Variants in LRRC49 observed in about 807,000 individuals in gnomAD.
LRRC49 encodes the protein leucine rich repeat containing 49, also known as leucine-rich repeat-containing protein 49.
A neutral mutation model predicts 83.3 loss-of-function variants in LRRC49; 50 were observed. The ratio of observed to expected loss-of-function variants is 0.60; its 90% CI spans 0.48 to 0.76. The LOEUF (loss-of-function observed/expected upper bound fraction) is 0.76. LRRC49 is among the 30% of genes least tolerant of loss of function. The pLI is 0.00. For synonymous variants in LRRC49, 286 were observed against 283.3 expected, an observed-to-expected ratio of 1.01 and a Z score of -0.10; for missense variants, 704 against 809.1, an observed-to-expected ratio of 0.87 and a Z score of 1.58.
chr15:71,000,025 T>C (rs76728854), intron 11 of LRRC49, among the ~76,000 whole-genome samples: 4,038 of 152,266 alleles, frequency 0.027, 187 homozygotes, highest in African/African-American at 0.092. Context: ...TTGCCAGCAA[T>C]CTGCACCAGG....
At chr15:70,916,530 A>G (rs1300596867) in intron 6 of LRRC49, among the ~76,000 whole-genome samples, 2 of 152,146 alleles carry the variant, frequency 1.3e-5, no homozygotes, top group African/African-American at 4.8e-5. Context: ...CCTGACCTCA[A>G]GTGATCCACC....
Position 70,918,012 on chromosome 15 carries a change from C to T in LRRC49, c.568-1038C>T, listed in dbSNP as rs116750228. On this transcript the variant is annotated intron_variant, in intron 6 of 15. Transcript: ENST00000260382. ...CTGTGACTCCCTCTTTGGGACCCTG[C>T]GGTTCCTCGCATATCCAAGCTTCCG... Among the ~76,000 whole-genome samples, 564 of 152,330 alleles carry T rather than the reference C, an allele frequency of 3.7e-3. 5 individuals carry two copies. Among genetic ancestry groups the T allele is most frequent in the African/African-American group, 0.012 (510 of 41,578 alleles).
intron 8 of LRRC49, among the ~76,000 whole-genome samples, chr15:70,946,098 CTTAT>C (rs1431352695): frequency 6.6e-6 from 1 of 151,910 alleles, no homozygotes; most frequent in African/African-American, 2.4e-5. Flanking sequence ...CATTTAATGT[CTTAT>C]TTAAAGATTT....
intron 2 of LRRC49, among the ~76,000 whole-genome samples, chr15:70,876,850 T>C (rs1476714922): frequency 2.0e-5 from 3 of 152,228 alleles, no homozygotes; most frequent in African/African-American, 7.2e-5. Flanking sequence ...TCCAGATTCA[T>C]TTGCCTAACA....
At chr15:70,882,284 T>C in intron 2 of LRRC49, 1 of 575,098 alleles carries the variant, frequency 1.7e-6, no homozygotes, top group South Asian at 2.6e-5. Context: ...GTAGGTATTA[T>C]CTTCATTGTG....
intron 8 of LRRC49, among the ~76,000 whole-genome samples, chr15:70,960,206 C>T (rs953492949): frequency 3.3e-5 from 5 of 152,170 alleles, no homozygotes; most frequent in Admixed American, 6.5e-5. Context: ...CAAGCAGTGC[C>T]AGTGTTACTG....
At position 71,050,148 on chromosome 15, in the gene LRRC49, G is replaced by A. The variant is rs191656872; in HGVS notation, c.*536G>A. 1 of 152,974 alleles carries A rather than the reference G, an allele frequency of 6.5e-6. No individual in the cohort carries two copies. The highest frequency in any genetic ancestry group is 6.5e-5 in the Admixed American group (1 of 15,336). 9.5% of individuals were successfully genotyped at this position (152,974 alleles called of 1,614,324 possible). On this transcript the variant is annotated 3_prime_UTR_variant, in exon 16 of 16. Transcript: ENST00000260382. ...GTATGTTCCTCTTTAGTTAGGTACGGTTCCTGCTATTCACCTATATGGAGG... is the reference window on the plus strand; with the variant it reads ...GTATGTTCCTCTTTAGTTAGGTACGATTCCTGCTATTCACCTATATGGAGG...
chr15:71,024,020 A>T (rs896427365), intron 14 of LRRC49, among the ~76,000 whole-genome samples: 1 of 152,182 alleles, frequency 6.6e-6, no homozygotes, highest in Admixed American at 6.5e-5. Flanking sequence ...GGCAGCCATC[A>T]CTGCAGTAAC....
rs180898757 is a variant in LRRC49, at chr15:71,001,110, C to T, written c.1170-7269C>T. On this transcript the variant is annotated intron_variant, in intron 11 of 15. Transcript: ENST00000260382. ...CATTGAGATTTTAAAAACATTCTCC[C>T]ATTTTGTCTTCCTAAAGTTTTAACA... is the stretch of plus-strand genomic sequence containing the variant. Among the ~76,000 whole-genome samples, 278 of 152,090 alleles carry T rather than the reference C, an allele frequency of 1.8e-3. 2 individuals carry two copies. Among genetic ancestry groups the T allele is most frequent in the African/African-American group, 6.6e-3 (273 of 41,512 alleles).
intron 2 of LRRC49, among the ~76,000 whole-genome samples, chr15:70,876,405 G>A (rs1339414681): frequency 6.6e-6 from 1 of 152,062 alleles, no homozygotes; most frequent in Non-Finnish European, 1.5e-5. Context: ...GTCTAGTGGG[G>A]GAGATTAGTA....
At position 70,980,146 on chromosome 15, in the gene LRRC49, GAGA is replaced by G; in HGVS notation, c.973_975del (p.Lys325del). 6.2e-7 allele frequency: 1 copy of G among 1,612,356 alleles called. No homozygotes were observed. The highest frequency in any genetic ancestry group is 8.5e-7 in the Non-Finnish European group (1 of 1,179,234). On this transcript the variant is annotated inframe_deletion, in exon 10 of 16. Transcript: ENST00000260382. ...ATCTGTTTTAGCCAAAAAAGAGGAA[GAGA>G]AGAAGCGGGAAAGTCATAAACAATC...
At chr15:70,875,996 T>C (rs2033144481) in intron 2 of LRRC49, among the ~76,000 whole-genome samples, 1 of 152,212 alleles carries the variant, frequency 6.6e-6, no homozygotes, top group Admixed American at 6.5e-5. Flanking sequence ...CTCTTGAATA[T>C]TCAGAAGTTA....
intron 2 of LRRC49, chr15:70,894,838 A>T (rs1038238547): frequency 1.1e-4 from 22 of 196,192 alleles, no homozygotes; most frequent in Admixed American, 4.6e-4. Context: ...TATGAATATG[A>T]AAATGGTAAA....
intron 7 of LRRC49, among the ~76,000 whole-genome samples, chr15:70,923,994 T>C (rs988436023): frequency 2.0e-5 from 3 of 151,932 alleles, no homozygotes; most frequent in African/African-American, 4.8e-5. Context: ...ATAGATCTTA[T>C]TTGGATTTTG....
intron 5 of LRRC49, chr15:70,907,893 A>G: frequency 2.2e-6 from 1 of 450,804 alleles, no homozygotes; most frequent in South Asian, 1.6e-5. Flanking sequence ...GGCACTGGCT[A>G]GGATTCTGCA....
At chr15:71,045,408 C>T (rs1051503841) in intron 15 of LRRC49, among the ~76,000 whole-genome samples, 1 of 152,242 alleles carries the variant, frequency 6.6e-6, no homozygotes, top group African/African-American at 2.4e-5. Flanking sequence ...AGTCTACCTT[C>T]GTATTTTTTA....
At chr15:70,910,557 T>G (rs1215920442) in intron 5 of LRRC49, among the ~76,000 whole-genome samples, 1 of 152,162 alleles carries the variant, frequency 6.6e-6, no homozygotes, top group African/African-American at 2.4e-5. Flanking sequence ...TTTGTTGTTC[T>G]TTTTTTGCCA....
chr15:70,960,500 G>T (rs2036569053), intron 8 of LRRC49, among the ~76,000 whole-genome samples: 1 of 152,098 alleles, frequency 6.6e-6, no homozygotes, highest in Non-Finnish European at 1.5e-5. Flanking sequence ...TAAACTAAGT[G>T]TTTAAATCAT....
intron 9 of LRRC49, among the ~76,000 whole-genome samples, chr15:70,965,440 A>C (rs1390040492): frequency 6.6e-6 from 1 of 152,052 alleles, no homozygotes; most frequent in African/African-American, 2.4e-5. Context: ...TATACATTGC[A>C]TTATAGCTGA....
Sources: gnomAD v4.1 joint callset for allele counts (sites outside exome capture counted in the v4.1 genomes callset) on GRCh38, gnomAD v4.1.1 for gene constraint, MANE v1.5 for transcripts, NCBI Gene and HGNC (gene_info 2026-07-23, HGNC 2026-07-21) for gene names.